REEP3: variants seen among roughly 807,000 people sequenced by gnomAD.
The protein encoded by REEP3 is receptor expression-enhancing protein 3.
In REEP3, 20 loss-of-function variants were observed where a neutral mutation model predicts 41.3. The observed-to-expected ratio is 0.48, with a 90% CI of 0.34 to 0.70. The LOEUF is 0.70. REEP3 is among the 30% of genes least tolerant of loss of function. The probability of loss-of-function intolerance (pLI) is 0.01; values close to 1 mark genes in which losing one functional copy is unlikely to be tolerated. For missense variants in REEP3, 271 were observed against 308.8 expected, an observed-to-expected ratio of 0.88 and a Z score of 0.92; for synonymous variants, 104 against 101.8, an observed-to-expected ratio of 1.02 and a Z score of -0.13.
intron 2 of REEP3, among the ~76,000 whole-genome samples, chr10:63,568,650 ATTTTT>A (rs10622553): frequency 9.2e-6 from 1 of 109,166 alleles, no homozygotes. Context: ...ACAACCCAGA[ATTTTT>A]TTTTTTTTTT....
intron 6 of REEP3, among the ~76,000 whole-genome samples, chr10:63,618,424 T>C (rs973780112): frequency 4.0e-5 from 6 of 151,664 alleles, no homozygotes; most frequent in Admixed American, 3.9e-4. Flanking sequence ...TTTTTTTGTA[T>C]TTTCAGTAGA....
intron 5 of REEP3, among the ~76,000 whole-genome samples, chr10:63,608,575 CAT>C (rs1342446874): frequency 6.6e-6 from 1 of 152,092 alleles, no homozygotes; most frequent in African/African-American, 2.4e-5. Flanking sequence ...CATAAATTCA[CAT>C]GTGTGAAACG....
intron 1 of REEP3, 36 bp from the exon 2 acceptor site, chr10:63,566,302 G>A: frequency 8.5e-7 from 1 of 1,175,992 alleles, no homozygotes; most frequent in South Asian, 1.3e-5. Context: ...AAACATTGTT[G>A]TGTTTGAACA....
rs145521903 is a variant in REEP3 at position 63,620,915 on chromosome 10, C to A, written c.*46C>A. ...CCAAGACAGATTATGCTAAATACAT[C>A]GACTTCATCTTCTAACATGATATAT... On this transcript the variant is annotated 3_prime_UTR_variant, in exon 8 of 8. Transcript: ENST00000373758. The A allele has an allele frequency of 2.5e-6, 3 of 1,177,790 alleles. No homozygotes were observed. The highest frequency in any genetic ancestry group is 3.0e-5 in the African/African-American group (2 of 65,882). 73.0% of individuals were successfully genotyped at this position (1,177,790 alleles called of 1,614,324 possible). A position where few individuals can be genotyped will look rare whatever the true frequency, so the allele number is the denominator to read the frequency against.
At chr10:63,599,760 T>C in intron 5 of REEP3, 3 of 844,168 alleles carry the variant, frequency 3.6e-6, no homozygotes, top group Non-Finnish European at 4.3e-6. Context: ...TTCTTAAAAC[T>C]TGGTACTTAG....
intron 1 of REEP3, among the ~76,000 whole-genome samples, chr10:63,526,559 A>G (rs926482006): frequency 6.6e-6 from 1 of 152,138 alleles, no homozygotes; most frequent in African/African-American, 2.4e-5. Flanking sequence ...TCTTTATCAC[A>G]ATGTAGCCAG....
chr10:63,568,329 C>T (rs920217683), intron 2 of REEP3, among the ~76,000 whole-genome samples: 14 of 150,884 alleles, frequency 9.3e-5, no homozygotes, highest in Non-Finnish European at 2.1e-4. Context: ...TGCACTGGCG[C>T]GATCTTGGCT....
intron 1 of REEP3, chr10:63,562,955 C>T (rs1040735963): frequency 2.2e-6 from 1 of 456,478 alleles, no homozygotes; most frequent in Non-Finnish European, 4.4e-6. Flanking sequence ...AGTTCAAGTA[C>T]GGTCTTTAGA....
intron 1 of REEP3, among the ~76,000 whole-genome samples, chr10:63,537,333 T>TACA (rs1955484235): frequency 1.3e-5 from 2 of 152,294 alleles, no homozygotes; most frequent in South Asian, 4.1e-4. Context: ...TAGTAATGTA[T>TACA]ACATACACAC....
chr10:63,619,286 G>A (rs72840205), intron 6 of REEP3, among the ~76,000 whole-genome samples: 6,027 of 152,290 alleles, frequency 0.04, 185 homozygotes, highest in African/African-American at 0.075. Context: ...AAATGCTTGG[G>A]TTGAATTCAT....
At chr10:63,550,642 G>C (rs901966839) in intron 1 of REEP3, among the ~76,000 whole-genome samples, 5 of 152,148 alleles carry the variant, frequency 3.3e-5, no homozygotes, top group Admixed American at 6.5e-5. Context: ...GGGTAGTATT[G>C]TTAAGGATGG....
intron 1 of REEP3, among the ~76,000 whole-genome samples, chr10:63,565,015 T>C: frequency 6.6e-6 from 1 of 152,200 alleles, no homozygotes; most frequent in South Asian, 2.1e-4. Context: ...CCCAGCACTT[T>C]GGGAGGCCAA....
At chr10:63,540,221 T>C (rs1300134584) in intron 1 of REEP3, among the ~76,000 whole-genome samples, 2 of 152,188 alleles carry the variant, frequency 1.3e-5, no homozygotes, top group Non-Finnish European at 2.9e-5. Flanking sequence ...ATTACAACAT[T>C]CTCTACAGTA....
intron 1 of REEP3, among the ~76,000 whole-genome samples, chr10:63,541,411 G>A (rs182102435): frequency 6.6e-6 from 1 of 152,144 alleles, no homozygotes. Flanking sequence ...CCTAGAATTT[G>A]CTTACTAGGT....
In REEP3 at chr10:63,623,003, C is replaced by T. The variant is rs1174136581; in HGVS notation, c.*2134C>T. ...TACAGGCGTGAGCCACCGCACCCAG[C>T]CACCATTTTATCTCTCTAAAGTCTG... is the stretch of plus-strand genomic sequence containing the variant. On this transcript the variant is annotated 3_prime_UTR_variant, in exon 8 of 8. Coordinates refer to ENST00000373758, the MANE Select transcript of REEP3 (RefSeq NM_001001330.3). 1 of 152,206 alleles carries T rather than the reference C, an allele frequency of 6.6e-6. No individual in the cohort carries two copies. The highest frequency in any genetic ancestry group is 1.5e-5 in the Non-Finnish European group (1 of 68,064). 9.4% of individuals were successfully genotyped at this position (152,206 alleles called of 1,614,324 possible).
At chr10:63,605,717 C>T (rs1335599367) in intron 5 of REEP3, among the ~76,000 whole-genome samples, 1 of 152,140 alleles carries the variant, frequency 6.6e-6, no homozygotes, top group Non-Finnish European at 1.5e-5. Flanking sequence ...CTCATACATG[C>T]AGGGCCCCTT....
Position 63,566,373 on chromosome 10 carries a change from C to G in REEP3, c.68C>G (p.Ser23Ter). 23 of 1,552,694 alleles carry G rather than the reference C, an allele frequency of 1.5e-5. No individual in the cohort carries two copies. Among genetic ancestry groups the G allele is most frequent in the Non-Finnish European group, 2.0e-5 (23 of 1,145,072 alleles). Residue 23 changes from serine (S) to a stop codon, truncating the protein, a stop_gained, in exon 2 of 8, where the codon TCA becomes TGA. Coordinates refer to ENST00000373758, the MANE Select transcript of REEP3 (RefSeq NM_001001330.3). LOFTEE classifies it high-confidence loss of function. ...GGAATGCTTTATCCTGCATATTATT[C>G]ATACAAAGCTGTGAAAACAAAAAAC... is the stretch of plus-strand genomic sequence containing the variant. ...VFGMLYPAYYSYKAVKTKNVK... is the reference protein window; with the variant it reads ...VFGMLYPAYY
At position 63,621,160 on chromosome 10, in the gene REEP3, GA is replaced by G. The variant is rs1956350725; in HGVS notation, c.*294del. 1 of 241,030 alleles carries G rather than the reference GA, an allele frequency of 4.1e-6. No homozygotes were observed. Among genetic ancestry groups the G allele is most frequent in the Non-Finnish European group, 8.1e-6 (1 of 123,754 alleles). 14.9% of individuals were successfully genotyped at this position (241,030 alleles called of 1,614,324 possible). A position where few individuals can be genotyped will look rare whatever the true frequency, so the allele number is the denominator to read the frequency against. On this transcript the variant is annotated 3_prime_UTR_variant, in exon 8 of 8. Transcript: ENST00000373758. ...GCCTAGAGTGCCTGAGATATAAGAT[GA>G]AACACAAATCCACAGTATACTTGAA...
chr10:63,588,773 A>G (rs1185299139), intron 2 of REEP3, among the ~76,000 whole-genome samples: 1 of 152,250 alleles, frequency 6.6e-6, no homozygotes, highest in Non-Finnish European at 1.5e-5. Flanking sequence ...AAGCAGAATA[A>G]GGAAGTTAGG....
Sources: gnomAD v4.1 joint callset for allele counts (sites outside exome capture counted in the v4.1 genomes callset) on GRCh38, gnomAD v4.1.1 for gene constraint, MANE v1.5 for transcripts, NCBI Gene and HGNC (gene_info 2026-07-23, HGNC 2026-07-21) for gene names.